Variants in RAP1GDS1 observed in about 807,000 individuals in gnomAD.
The protein encoded by RAP1GDS1 is Rap1 GTPase-GDP dissociation stimulator 1.
Under a neutral mutation model 71.1 loss-of-function variants are expected in RAP1GDS1, and 35 were observed. The ratio of observed to expected loss-of-function variants is 0.49; its 90% CI spans 0.38 to 0.65. RAP1GDS1 has a LOEUF of 0.65. Among genes scored for constraint, RAP1GDS1 ranks in the 30% least tolerant of loss-of-function variants. The probability of loss-of-function intolerance (pLI) is 0.00; values close to 1 mark genes in which losing one functional copy is unlikely to be tolerated. For synonymous variants in RAP1GDS1, 229 were observed against 243.1 expected, an observed-to-expected ratio of 0.94 and a Z score of 0.54; for missense variants, 663 against 706.1, an observed-to-expected ratio of 0.94 and a Z score of 0.69.
intron 5 of RAP1GDS1, among the ~76,000 whole-genome samples, chr4:98,388,153 C>T (rs1455103316): frequency 6.6e-6 from 1 of 152,132 alleles, no homozygotes; most frequent in African/African-American, 2.4e-5. Context: ...AAAACAGCAC[C>T]GCCACCTACT....
In RAP1GDS1 at chr4:98,277,514, A is replaced by G. The variant is rs147490378; in HGVS notation, c.5-15894A>G. On this transcript the variant is annotated intron_variant, in intron 1 of 14. Transcript: ENST00000408927. The stretch of plus-strand genomic sequence containing the variant: ...ATATTCTTCGTCATAACACCAGTAT[A>G]TCTTTGATTCTGTTATTATATTATT... Among the ~76,000 whole-genome samples the G allele has an allele frequency of 7.2e-5, 11 of 152,230 alleles. No homozygotes were observed. In the East Asian group the frequency reaches 1.9e-3, roughly 27 times the overall value.
At chr4:98,360,875 C>G (rs1373771982) in intron 4 of RAP1GDS1, among the ~76,000 whole-genome samples, 1 of 151,946 alleles carries the variant, frequency 6.6e-6, no homozygotes, top group Non-Finnish European at 1.5e-5. Context: ...AGTTCAAGAG[C>G]AGTCTGGTCA....
At chr4:98,261,756 C>A in intron 1 of RAP1GDS1, 187 bp downstream of exon 1, 1 of 747,024 alleles carries the variant, frequency 1.3e-6, no homozygotes, top group Non-Finnish European at 2.0e-6. Context: ...CTGGGAGGGT[C>A]CCGAGCGCGG....
chr4:98,333,925 G>A (rs974548818), intron 2 of RAP1GDS1, among the ~76,000 whole-genome samples: 2 of 151,966 alleles, frequency 1.3e-5, no homozygotes, highest in African/African-American at 2.4e-5. Context: ...TTTTAGGTTG[G>A]GTTTATAGTG....
At chr4:98,356,569 A>G (rs1005939854) in intron 4 of RAP1GDS1, among the ~76,000 whole-genome samples, 1 of 152,114 alleles carries the variant, frequency 6.6e-6, no homozygotes, top group Non-Finnish European at 1.5e-5. Context: ...ATTACGTGAA[A>G]TTAAATATTT....
intron 12 of RAP1GDS1, 77 bp from the exon 13 acceptor site, chr4:98,433,859 A>G: frequency 1.4e-6 from 2 of 1,385,970 alleles, no homozygotes; most frequent in Non-Finnish European, 2.0e-6. Context: ...CCACTCAACA[A>G]TGAGTTGACT....
chr4:98,383,555 T>G (rs900812438), intron 5 of RAP1GDS1, among the ~76,000 whole-genome samples: 3 of 151,552 alleles, frequency 2.0e-5, no homozygotes, highest in African/African-American at 7.2e-5. Flanking sequence ...CTTATATTTA[T>G]TTGTCGCATG....
intron 2 of RAP1GDS1, among the ~76,000 whole-genome samples, chr4:98,338,759 CATT>C (rs1274206733): frequency 3.3e-5 from 5 of 152,104 alleles, no homozygotes; most frequent in African/African-American, 1.2e-4. Context: ...TAATAGCAGT[CATT>C]ATTTTTATTT....
Position 98,443,002 on chromosome 4 carries a change from A to G in RAP1GDS1, c.*885A>G, listed in dbSNP as rs1578911420. 5.4e-6 allele frequency: 1 copy of G among 185,462 alleles called. No individual in the cohort carries two copies. The highest frequency in any genetic ancestry group is 1.0e-5 in the Non-Finnish European group (1 of 100,082). The allele number at this position is 185,462 out of a possible 1,614,324, so 11.5% of individuals were successfully genotyped here. ...CAACTGAGGAAATTGAGTATAGTTC[A>G]TTGAAGAATGGAATTTTTTTTTTTT... On this transcript the variant is annotated 3_prime_UTR_variant, in exon 15 of 15. Transcript: ENST00000408927.
chr4:98,398,713 C>CA (rs1744919420), intron 6 of RAP1GDS1, among the ~76,000 whole-genome samples: 1 of 151,986 alleles, frequency 6.6e-6, no homozygotes, highest in Non-Finnish European at 1.5e-5. Flanking sequence ...CTCTTAGAAC[C>CA]AAAAAATGAA....
chr4:98,341,568 C>T (rs1480090333), intron 2 of RAP1GDS1, among the ~76,000 whole-genome samples: 1 of 152,214 alleles, frequency 6.6e-6, no homozygotes, highest in African/African-American at 2.4e-5. Flanking sequence ...CTCTTGCTGT[C>T]ATCCCAGTAC....
intron 5 of RAP1GDS1, among the ~76,000 whole-genome samples, chr4:98,391,020 A>G (rs1166196076): frequency 2.6e-5 from 4 of 152,168 alleles, no homozygotes; most frequent in Non-Finnish European, 5.9e-5. Flanking sequence ...GCATTTCTGT[A>G]TCATTGGATG....
chr4:98,430,173 A>G (rs1426424103), intron 12 of RAP1GDS1, among the ~76,000 whole-genome samples: 1 of 152,170 alleles, frequency 6.6e-6, no homozygotes, highest in Admixed American at 6.5e-5. Flanking sequence ...GAACTGTGGC[A>G]TGGTACCCTT....
At chr4:98,276,687 C>T (rs1055848122) in intron 1 of RAP1GDS1, among the ~76,000 whole-genome samples, 2 of 152,096 alleles carry the variant, frequency 1.3e-5, no homozygotes, top group African/African-American at 4.8e-5. Flanking sequence ...CACTGGACAT[C>T]ATTCTAAGGA....
chr4:98,380,354 T>C (rs1741821741), intron 5 of RAP1GDS1, among the ~76,000 whole-genome samples: 1 of 151,794 alleles, frequency 6.6e-6, no homozygotes, highest in African/African-American at 2.4e-5. Context: ...AATGTTGGAT[T>C]ACATATTTTT....
chr4:98,413,589 T>A (rs1747433340), intron 7 of RAP1GDS1, among the ~76,000 whole-genome samples: 2 of 151,462 alleles, frequency 1.3e-5, no homozygotes, highest in African/African-American at 4.8e-5. Context: ...ATGGTGTATA[T>A]GTGCCACATT....
At chr4:98,362,583 GAA>G (rs76368889) in intron 4 of RAP1GDS1, among the ~76,000 whole-genome samples, 2 of 150,434 alleles carry the variant, frequency 1.3e-5, no homozygotes, top group Admixed American at 6.6e-5. Flanking sequence ...ATAGGAATGG[GAA>G]AAAAAAAGCC....
At chr4:98,273,670 A>G (rs892928971) in intron 1 of RAP1GDS1, among the ~76,000 whole-genome samples, 1 of 152,188 alleles carries the variant, frequency 6.6e-6, no homozygotes, top group Non-Finnish European at 1.5e-5. Flanking sequence ...CCCCACACAA[A>G]TAAGTACTGC....
At chr4:98,371,920 C>T (rs551496705) in intron 4 of RAP1GDS1, among the ~76,000 whole-genome samples, 1 of 151,902 alleles carries the variant, frequency 6.6e-6, no homozygotes, top group South Asian at 2.1e-4. Flanking sequence ...GCTTTTTTAC[C>T]CAATCTGACC....
Sources: allele counts gnomAD v4.1 joint callset (sites outside exome capture counted in the v4.1 genomes callset), GRCh38; gene constraint gnomAD v4.1.1; transcripts MANE v1.5; gene names NCBI Gene and HGNC (gene_info 2026-07-23, HGNC 2026-07-21).